The following TARS3 variants were observed in gnomAD, a reference collection of about 807,000 sequenced individuals.
TARS3 encodes the protein threonine--tRNA ligase 2, cytoplasmic.
TARS3 carries 94 observed loss-of-function variants against 103.5 expected under a neutral mutation model. The ratio of observed to expected loss-of-function variants is 0.91; its 90% confidence interval spans 0.77 to 1.08. The LOEUF is 1.08. Among genes scored for constraint, TARS3 ranks in the 50% least tolerant of loss-of-function variants. The pLI, the probability that TARS3 is intolerant of heterozygous loss-of-function variation, is 0.00. For synonymous variants in TARS3, 416 were observed against 355.4 expected (o/e 1.17, Z -1.92); for missense variants, 952 against 995.2 (o/e 0.96, Z 0.58).
chr15:101,659,234 G>A (rs1897291292), intron 16 of TARS3, among the ~76,000 whole-genome samples: 1 of 152,220 alleles, frequency 6.6e-6, no homozygotes, highest in South Asian at 2.1e-4. Context: ...TGAGTATTTA[G>A]TCTGAAGGTG....
chr15:101,688,793 T>C (rs1250621236), intron 10 of TARS3, among the ~76,000 whole-genome samples: 1 of 152,134 alleles, frequency 6.6e-6, no homozygotes. Context: ...CAAAACTAAA[T>C]TGGCAGTGGG....
At chr15:101,704,739 T>C (rs753510713) in intron 7 of TARS3, among the ~76,000 whole-genome samples, 1 of 150,358 alleles carries the variant, frequency 6.7e-6, no homozygotes, top group African/African-American at 2.4e-5. Context: ...GCCATTCAAA[T>C]TGAAAAACTA....
At chr15:101,662,130 C>A (rs2141382073) in intron 15 of TARS3, among the ~76,000 whole-genome samples, 1 of 152,188 alleles carries the variant, frequency 6.6e-6, no homozygotes, top group East Asian at 1.9e-4. Flanking sequence ...CCAAATGCAC[C>A]CCCATTCTTG....
At chr15:101,718,012 G>A (rs1030072622) in intron 3 of TARS3, among the ~76,000 whole-genome samples, 12 of 152,162 alleles carry the variant, frequency 7.9e-5, no homozygotes, top group Admixed American at 2.0e-4. Flanking sequence ...CAAAATATTT[G>A]ATAAAACTTG....
chr15:101,722,642 TAAAAAAAA>T lies in TARS3; in HGVS notation c.369+443_369+450del, dbSNP rs35018220. Among the ~76,000 whole-genome samples the T allele has an allele frequency of 8.5e-5, 5 of 58,756 alleles. No individual in the cohort carries two copies. The East Asian group carries it at 2.0e-3, about 24-fold the overall frequency. The allele number at this position is 58,756 out of a possible 152,430, so 38.5% of individuals were successfully genotyped here. A position where few individuals can be genotyped will look rare whatever the true frequency, so the allele number is the denominator to read the frequency against. On this transcript the variant is annotated intron_variant, in intron 2 of 18. Transcript: ENST00000335968. The stretch of plus-strand genomic sequence containing the variant: ...TAACACGGTGAAACCCCATCTCTAC[TAAAAAAAA>T]AAAAAAAAAAAAAAAAAAATTAGCC...
At chr15:101,678,779 A>G (rs1302215640) in intron 12 of TARS3, among the ~76,000 whole-genome samples, 1 of 152,190 alleles carries the variant, frequency 6.6e-6, no homozygotes, top group East Asian at 1.9e-4. Context: ...TTTTCTTCCT[A>G]AAGTTCCCTG....
chr15:101,691,149 C>T (rs1272283714), intron 10 of TARS3, among the ~76,000 whole-genome samples: 1 of 151,656 alleles, frequency 6.6e-6, no homozygotes, highest in African/African-American at 2.4e-5. Flanking sequence ...CCGTATTAGC[C>T]AGGATGGTCT....
rs74035804 is a variant in TARS3, at chr15:101,723,350, T to C, written c.298-186A>G. Among the ~76,000 whole-genome samples, 1,272 of 152,348 alleles carry C rather than the reference T, an allele frequency of 8.3e-3. 26 individuals carry two copies. The highest frequency in any genetic ancestry group is 0.03 in the African/African-American group (1,234 of 41,580). ...CAGGGTTCAGTCCTTCCTGTCACAC[T>C]GTTGCTAAGCACATTTAATATATTG... is the stretch of plus-strand genomic sequence containing the variant. On this transcript the variant is annotated intron_variant, in intron 1 of 18. Transcript: ENST00000335968.
chr15:101,661,770 T>C lies in TARS3; in HGVS notation c.2014A>G (p.Ile672Val). The C allele has an allele frequency of 6.2e-7, 1 of 1,608,144 alleles. No individual in the cohort carries two copies. The highest frequency in any genetic ancestry group is 8.5e-7 in the Non-Finnish European group (1 of 1,176,908). The change falls in exon 16 of 19, where the codon ATT becomes GTT. Residue 672 changes from isoleucine to valine, a missense_variant. Around this residue, in one of 2 missense-constraint regions of TARS3, gnomAD observed 540 missense variants for 631.0 expected, o/e 0.86. Transcript: ENST00000335968. ...KKRPVIIHRA[I>V]LGSVERMIAI... The stretch of plus-strand genomic sequence containing the variant: ...ATCATTCTTTCCACTGATCCCAAAA[T>C]GGCTCGATGAATGATCACAGGTCTC...
chr15:101,654,341 T>TAAA lies in TARS3; in HGVS notation c.*240_*241insTTT. On this transcript the variant is annotated 3_prime_UTR_variant, in exon 19 of 19. Coordinates refer to ENST00000335968, the MANE Select transcript of TARS3 (RefSeq NM_152334.3). ...TCTCGATGAATAATATTTCCCCATT[T>TAAA]AAGTTTCTCAAGGCATTGATTGCTG... 2.5e-6 allele frequency: 1 copy of TAAA among 402,278 alleles called. No individual in the cohort carries two copies. Among genetic ancestry groups the TAAA allele is most frequent in the Non-Finnish European group, 4.3e-6 (1 of 230,206 alleles). The allele number at this position is 402,278 out of a possible 1,614,324, so 24.9% of individuals were successfully genotyped here.
intron 11 of TARS3, among the ~76,000 whole-genome samples, chr15:101,685,057 A>G (rs913096481): frequency 1.3e-5 from 2 of 152,188 alleles, no homozygotes; most frequent in Non-Finnish European, 2.9e-5. Context: ...TTAAAGTTAT[A>G]TATATTTTTT....
At chr15:101,701,904 T>C (rs1031567612) in intron 9 of TARS3, among the ~76,000 whole-genome samples, 40 of 152,006 alleles carry the variant, frequency 2.6e-4, no homozygotes, top group Admixed American at 1.1e-3. Flanking sequence ...GCTTCCAGAG[T>C]AGCTGGGACT....
At chr15:101,658,263 T>C (rs893917617) in intron 16 of TARS3, among the ~76,000 whole-genome samples, 1 of 136,786 alleles carries the variant, frequency 7.3e-6, no homozygotes, top group African/African-American at 2.8e-5. Context: ...AGCGGGTGAA[T>C]GGCCAAACTG....
intron 7 of TARS3, among the ~76,000 whole-genome samples, chr15:101,704,331 T>A (rs982901163): frequency 6.6e-6 from 1 of 152,158 alleles, no homozygotes; most frequent in Non-Finnish European, 1.5e-5. Context: ...CAAATTAGCA[T>A]GAAAGGCTTC....
At chr15:101,672,398 G>A (rs763429838) in intron 13 of TARS3, among the ~76,000 whole-genome samples, 3 of 152,120 alleles carry the variant, frequency 2.0e-5, no homozygotes, top group African/African-American at 4.8e-5. Context: ...CAGTATTCCC[G>A]TGAATCCAGC....
chr15:101,709,052 AG>A, intron 5 of TARS3, 142 bp from the exon 6 acceptor site: 1 of 598,896 alleles, frequency 1.7e-6, no homozygotes, highest in Middle Eastern at 3.2e-4. Flanking sequence ...ACGTTCATAC[AG>A]TCACTACTCT....
chr15:101,705,366 C>T (rs1220041095), intron 7 of TARS3, among the ~76,000 whole-genome samples: 1 of 152,100 alleles, frequency 6.6e-6, no homozygotes, highest in Non-Finnish European at 1.5e-5. Context: ...CTTGTAATGG[C>T]CCCCACTGCC....
chr15:101,674,943 C>G (rs1252103768), intron 13 of TARS3, among the ~76,000 whole-genome samples: 1 of 152,022 alleles, frequency 6.6e-6, no homozygotes, highest in African/African-American at 2.4e-5. Context: ...GGGTCTTATT[C>G]CCATGGATAA....
intron 7 of TARS3, among the ~76,000 whole-genome samples, chr15:101,704,258 C>CT (rs1007459879): frequency 6.6e-6 from 1 of 152,190 alleles, no homozygotes; most frequent in Admixed American, 6.5e-5. Flanking sequence ...AATGGTCAGT[C>CT]TTTGTGTATT....
Sources: allele counts gnomAD v4.1 joint callset (sites outside exome capture counted in the v4.1 genomes callset), GRCh38; gene constraint gnomAD v4.1.1; regional missense constraint gnomAD v4.1.1; transcripts MANE v1.5; gene names NCBI Gene and HGNC (gene_info 2026-07-23, HGNC 2026-07-21).